The following NT5DC4 variants were observed in gnomAD, a reference collection of about 807,000 sequenced individuals.
The protein encoded by NT5DC4 is 5'-nucleotidase domain-containing protein 4.
NT5DC4 carries 44 observed loss-of-function variants against 26.6 expected under a neutral mutation model. The observed-to-expected ratio is 1.65, with a 90% confidence interval of 1.30 to 2.13. The LOEUF (loss-of-function observed/expected upper bound fraction) is 2.13. NT5DC4 is among the 30% of genes most tolerant of loss of function. The pLI is 0.00. For missense variants in NT5DC4, 399 were observed against 228.1 expected (o/e 1.75, Z -4.83); for synonymous variants, 157 against 86.7 (o/e 1.81, Z -4.51).
intron 13 of NT5DC4, 34 bp from the exon 14 acceptor site, chr2:112,726,204 C>T: frequency 2.8e-6 from 2 of 717,092 alleles, no homozygotes. Context: ...CACAGGCCGT[C>T]ACTCACCCCC....
chr2:112,739,726 C>T (rs962215052), downstream of NT5DC4, among the ~76,000 whole-genome samples: 1 of 152,206 alleles, frequency 6.6e-6, no homozygotes, highest in Admixed American at 6.5e-5. Flanking sequence ...GCAATCACAG[C>T]TCACTACAGC....
chr2:112,721,546 T>C (rs541636725), intron 1 of NT5DC4: 72 of 717,740 alleles, frequency 1.0e-4, no homozygotes, highest in Non-Finnish European at 1.8e-4. Context: ...CATGCCTGCA[T>C]GGTGGGACAG....
chr2:112,724,186 A>G, intron 10 of NT5DC4, 60 bp downstream of exon 10: 1 of 715,986 alleles, frequency 1.4e-6, no homozygotes, highest in African/African-American at 1.7e-5. Flanking sequence ...CCAGGGTGCC[A>G]GGCTGCACCA....
At chr2:112,736,794 A>T (rs1352263674) in intron 16 of NT5DC4, 1 of 152,224 alleles carries the variant, frequency 6.6e-6, no homozygotes, top group African/African-American at 2.4e-5. Flanking sequence ...GATGAATACT[A>T]TTCCACGGCA....
intron 14 of NT5DC4, 51 bp from the exon 15 acceptor site, chr2:112,726,627 C>T (rs1016135782): frequency 1.3e-5 from 9 of 717,372 alleles, no homozygotes; most frequent in Middle Eastern, 2.3e-4. Context: ...ACTGTCCTGG[C>T]ACTCGGAGGC....
intron 1 of NT5DC4, chr2:112,721,552 G>T (rs1390324139): frequency 1.4e-6 from 1 of 717,820 alleles, no homozygotes; most frequent in Admixed American, 2.0e-5. Context: ...TGCATGGTGG[G>T]ACAGCAAGCG....
upstream of NT5DC4, among the ~76,000 whole-genome samples, chr2:112,719,928 T>TTCTTTCTTTCTTTC (rs1676697517): frequency 7.1e-4 from 15 of 21,146 alleles, no homozygotes; most frequent in South Asian, 2.9e-3. Context: ...TTCTTTCTCT[T>TTCTTTCTTTCTTTC]TCTTTCTTTC....
chr2:112,731,753 GAGA>G (rs1243834713), intron 16 of NT5DC4: 1 of 152,068 alleles, frequency 6.6e-6, no homozygotes, highest in East Asian at 1.9e-4. Flanking sequence ...GCATTCTGTG[GAGA>G]CCTAGGTTGA....
At chr2:112,730,611 G>A (rs13015273) in intron 16 of NT5DC4, among the ~76,000 whole-genome samples, 68,325 of 151,958 alleles carry the variant, frequency 0.45, 16,433 homozygotes, top group East Asian at 0.72. Flanking sequence ...TCCTCGTTGG[G>A]TTCTGCACCC....
intron 15 of NT5DC4, chr2:112,727,308 G>A: frequency 5.9e-6 from 1 of 168,144 alleles, no homozygotes; most frequent in Non-Finnish European, 1.3e-5. Context: ...GGTGGATGGA[G>A]CAGGGATTGT....
intron 15 of NT5DC4, 118 bp downstream of exon 15, chr2:112,726,856 C>A: frequency 1.4e-6 from 1 of 691,392 alleles, no homozygotes; most frequent in South Asian, 1.6e-5. Flanking sequence ...ACCCCATTCT[C>A]CTCAGCCTCG....
intron 15 of NT5DC4, among the ~76,000 whole-genome samples, chr2:112,728,193 T>C (rs1188838315): frequency 6.6e-6 from 1 of 152,210 alleles, no homozygotes; most frequent in Non-Finnish European, 1.5e-5. Context: ...AGGGATGTTC[T>C]TCCTCATGCC....
rs975177347 is a variant in NT5DC4 at position 112,721,524 on chromosome 2, G to A, written c.75-294G>A. The A allele has an allele frequency of 5.6e-6, 4 of 717,812 alleles. No individual in the cohort carries two copies. In the African/African-American group the frequency reaches 7.0e-5, roughly 13 times the overall value. The allele number at this position is 717,812 out of a possible 1,614,324, so 44.5% of individuals were successfully genotyped here. On this transcript the variant is annotated intron_variant, in intron 1 of 16. Transcript: ENST00000688554. The stretch of plus-strand genomic sequence containing the variant: ...ACTGCACCTACTTTCTTACAGGGTT[G>A]GATGCCTATAACATGCCTGCATGGT...
Position 112,729,658 on chromosome 2 carries a change from A to G in NT5DC4, c.1298A>G (p.Gln433Arg), listed in dbSNP as rs1378002908. The change falls in exon 16 of 17, where the codon CAG becomes CGG. Residue 433 changes from glutamine (Q) to arginine (R), a missense_variant. By Grantham distance (43) the Gln-to-Arg change is conservative. Coordinates refer to ENST00000688554, the MANE Select transcript of NT5DC4 (RefSeq NM_001393655.1). ...CATGAGTCAGTTGTGGAGCAAGAACAGGCCAATCTAGACCCTGCCTCCTGC... is the reference window on the plus strand; with the variant it reads ...CATGAGTCAGTTGTGGAGCAAGAACGGGCCAATCTAGACCCTGCCTCCTGC... The part of the protein sequence containing the change: ...MPHESVVEQE[Q>R]ANLDPASCLL... 9.8e-6 allele frequency: 7 copies of G among 717,826 alleles called. No individual in the cohort carries two copies. In the East Asian group the frequency reaches 1.9e-4, roughly 19 times the overall value. The allele number at this position is 717,826 out of a possible 1,614,324, so 44.5% of individuals were successfully genotyped here.
At chr2:112,741,940 GTTTTTTTTTTTTTTTTT>G (rs57634251), downstream of NT5DC4, among the ~76,000 whole-genome samples, 152 of 71,912 alleles carry the variant, frequency 2.1e-3, 1 homozygote, top group African/African-American at 8.0e-3. Flanking sequence ...TTTCTTTTCT[GTTTTTTTTTTTTTTTTT>G]TTTTTTTTTT....
intron 16 of NT5DC4, chr2:112,736,539 C>A (rs948818259): frequency 8.5e-5 from 13 of 152,082 alleles, no homozygotes; most frequent in African/African-American, 3.1e-4. Flanking sequence ...TAACTTTAGC[C>A]CTATCTCTAG....
Position 112,722,058 on chromosome 2 carries a change from C to T in NT5DC4, c.221C>T (p.Pro74Leu), listed in dbSNP as rs17042284. The change falls in exon 3 of 17, where the codon CCG (proline) becomes CTG (leucine). Residue 74 changes from proline (P) to leucine (L), a missense_variant. Transcript: ENST00000688554. ...LLERLVCIGY[P>L]HEILRYTYDP... ...GAGCGCCTGGTGTGCATTGGGTACC[C>T]GCATGAGATCCTGCGCTACACCTAC... 2,279 of 717,126 alleles carry T rather than the reference C, an allele frequency of 3.2e-3. 41 individuals carry two copies. The highest frequency in any genetic ancestry group is 0.031 in the African/African-American group (1,773 of 57,356). 44.4% of individuals were successfully genotyped at this position (717,126 alleles called of 1,614,324 possible).
At chr2:112,731,986 G>C (rs1235288869) in intron 16 of NT5DC4, among the ~76,000 whole-genome samples, 1 of 143,280 alleles carries the variant, frequency 7.0e-6, no homozygotes, top group Non-Finnish European at 1.5e-5. Context: ...GCAGTGGCAC[G>C]ATCTCGGCTC....
At chr2:112,734,477 T>G (rs1172952820) in intron 16 of NT5DC4, among the ~76,000 whole-genome samples, 2 of 152,166 alleles carry the variant, frequency 1.3e-5, no homozygotes, top group East Asian at 3.8e-4. Flanking sequence ...CTTTATCTTT[T>G]CAGCAACTCT....
Sources: gnomAD v4.1 joint callset for allele counts (sites outside exome capture counted in the v4.1 genomes callset) on GRCh38, gnomAD v4.1.1 for gene constraint, MANE v1.5 for transcripts, NCBI Gene and HGNC (gene_info 2026-07-23, HGNC 2026-07-21) for gene names.